Variants in PPARGC1A observed in about 807,000 individuals in gnomAD.
PPARGC1A encodes the protein PPARG coactivator 1 alpha.
PPARGC1A carries 25 observed loss-of-function variants against 88.7 expected under a neutral mutation model. The ratio of observed to expected loss-of-function variants is 0.28; its 90% CI spans 0.21 to 0.39. The LOEUF is 0.39. Among genes scored for constraint, PPARGC1A ranks in the 10% least tolerant of loss-of-function variants. The pLI is 1.00. For synonymous variants in PPARGC1A, 363 were observed against 355.6 expected (o/e 1.02, Z -0.24); for missense variants, 880 against 968.7 (o/e 0.91, Z 1.22).
chr4:24,052,854 ATTTTT>A, the PPARGC1A span, among the ~76,000 whole-genome samples: 1 of 65,802 alleles, frequency 1.5e-5, no homozygotes, highest in African/African-American at 6.6e-5. Context: ...GCGTACGCAG[ATTTTT>A]TTTTTTTTTT....
chr4:23,891,715 A>C (rs1717865181), upstream of PPARGC1A, among the ~76,000 whole-genome samples: 2 of 152,222 alleles, frequency 1.3e-5, no homozygotes, highest in Non-Finnish European at 2.9e-5. Context: ...AAGTTTGCTG[A>C]ATACAGTTCA....
chr4:23,900,811 G>A (rs1257149504), upstream of PPARGC1A, among the ~76,000 whole-genome samples: 2 of 152,190 alleles, frequency 1.3e-5, no homozygotes, highest in African/African-American at 2.4e-5. Context: ...TACCAGTCCC[G>A]AGCTGGCACT....
chr4:24,333,342 T>G, the PPARGC1A span, among the ~76,000 whole-genome samples: 1 of 152,110 alleles, frequency 6.6e-6, no homozygotes, highest in African/African-American at 2.4e-5. Flanking sequence ...CTTTTAAAAA[T>G]TTTTTAATCA....
At chr4:23,812,909 T>G (rs774603738) in intron 9 of PPARGC1A, 42 bp from the exon 10 acceptor site, 14 of 1,613,710 alleles carry the variant, frequency 8.7e-6, no homozygotes, top group Non-Finnish European at 1.2e-5. Context: ...CACCTCAATT[T>G]TCATGAGCAA....
the PPARGC1A span, among the ~76,000 whole-genome samples, chr4:23,984,668 T>C: frequency 1.3e-5 from 2 of 152,100 alleles, no homozygotes; most frequent in Non-Finnish European, 2.9e-5. Context: ...ATCTTCATTT[T>C]TCAAAAAAGG....
the PPARGC1A span, among the ~76,000 whole-genome samples, chr4:23,925,984 G>A: frequency 0.018 from 2,805 of 152,208 alleles, 83 homozygotes; most frequent in African/African-American, 0.063. Flanking sequence ...ATTTCTACCC[G>A]ACCCTCTTAA....
the PPARGC1A span, among the ~76,000 whole-genome samples, chr4:24,123,740 C>T: frequency 6.6e-6 from 1 of 151,904 alleles, no homozygotes; most frequent in Non-Finnish European, 1.5e-5. Flanking sequence ...CTGCTTAAAC[C>T]TGGATCTCTG....
the PPARGC1A span, among the ~76,000 whole-genome samples, chr4:24,179,468 C>T: frequency 5.9e-5 from 9 of 152,014 alleles, no homozygotes; most frequent in Admixed American, 2.0e-4. Context: ...AAAGGTCTTG[C>T]ACTCTTCCAT....
chr4:23,797,312 C>T (rs777923196), intron 12 of PPARGC1A, among the ~76,000 whole-genome samples: 1 of 152,006 alleles, frequency 6.6e-6, no homozygotes, highest in African/African-American at 2.4e-5. Flanking sequence ...ATTGCTAAGG[C>T]CTCACAAACA....
At chr4:24,257,582 A>G in the PPARGC1A span, among the ~76,000 whole-genome samples, 1 of 152,186 alleles carries the variant, frequency 6.6e-6, no homozygotes, top group Non-Finnish European at 1.5e-5. Flanking sequence ...AGCCTTTGCC[A>G]TTGCATGGGT....
the PPARGC1A span, among the ~76,000 whole-genome samples, chr4:23,969,474 T>C: frequency 4.6e-5 from 7 of 152,322 alleles, no homozygotes; most frequent in East Asian, 1.2e-3. Flanking sequence ...AATAAACATG[T>C]AGCAATTTCT....
chr4:24,367,873 T>A, the PPARGC1A span, among the ~76,000 whole-genome samples: 32 of 152,256 alleles, frequency 2.1e-4, no homozygotes, highest in African/African-American at 6.7e-4. Flanking sequence ...AACACTCCAA[T>A]AAACAGGGAC....
intron 12 of PPARGC1A, 51 bp downstream of exon 12, chr4:23,801,679 C>T: frequency 6.3e-7 from 1 of 1,597,524 alleles, no homozygotes; most frequent in Non-Finnish European, 8.6e-7. Flanking sequence ...TTGTTCCCAT[C>T]TTGAGCTCTA....
intron 2 of PPARGC1A, among the ~76,000 whole-genome samples, chr4:23,858,687 TG>T (rs1199183424): frequency 2.6e-5 from 4 of 152,242 alleles, no homozygotes; most frequent in Non-Finnish European, 5.9e-5. Flanking sequence ...ATGTGAATAT[TG>T]GAAGTCTGTC....
intron 2 of PPARGC1A, among the ~76,000 whole-genome samples, chr4:23,862,659 T>C (rs946826540): frequency 1.3e-5 from 2 of 152,210 alleles, no homozygotes; most frequent in African/African-American, 2.4e-5. Context: ...TGTAAAACTA[T>C]GTTTTTAACA....
chr4:23,885,544 G>A (rs1716724960), intron 1 of PPARGC1A, among the ~76,000 whole-genome samples: 1 of 152,142 alleles, frequency 6.6e-6, no homozygotes, highest in African/African-American at 2.4e-5. Flanking sequence ...GACTCTTCAT[G>A]ACTTTCTGGA....
the PPARGC1A span, among the ~76,000 whole-genome samples, chr4:24,388,376 C>T: frequency 6.3e-4 from 96 of 152,170 alleles, 1 homozygote; most frequent in African/African-American, 2.3e-3. Flanking sequence ...TTGGTGGGAG[C>T]GTAAATTAGT....
chr4:24,133,556 T>C, the PPARGC1A span, among the ~76,000 whole-genome samples: 1 of 152,204 alleles, frequency 6.6e-6, no homozygotes, highest in Non-Finnish European at 1.5e-5. Context: ...TTTCATTGCA[T>C]ATGATTGGCA....
the PPARGC1A span, among the ~76,000 whole-genome samples, chr4:24,069,491 A>G: frequency 1.3e-5 from 2 of 152,166 alleles, no homozygotes; most frequent in South Asian, 4.1e-4. Context: ...TTAGCATAAG[A>G]TGAATAGTGA....
Sources: gnomAD v4.1 joint callset for allele counts (sites outside exome capture counted in the v4.1 genomes callset) on GRCh38, gnomAD v4.1.1 for gene constraint, MANE v1.5 for transcripts, NCBI Gene and HGNC (gene_info 2026-07-23, HGNC 2026-07-21) for gene names.